NWD2: variants seen among roughly 807,000 people sequenced by gnomAD.
NWD2 encodes NACHT and WD repeat domain-containing protein 2.
Under a neutral mutation model 132.7 loss-of-function variants are expected in NWD2, and 37 were observed. The observed-to-expected ratio is 0.28, with a 90% CI of 0.21 to 0.37. NWD2 has a LOEUF of 0.37. Ranked by LOEUF, NWD2 falls within the 10% of genes least tolerant of loss-of-function variation. NWD2 has a pLI of 1.00. For missense variants in NWD2, 1,592 were observed against 2,122.4 expected (o/e 0.75, Z 4.91); for synonymous variants, 705 against 803.0 (o/e 0.88, Z 2.06).
rs751234991 is a variant in NWD2, at chr4:37,430,747, C to T, written c.533C>T (p.Ser178Leu). Residue 178 changes from serine to leucine, a missense_variant, in exon 4 of 7, where the codon TCA becomes TTA. Around this residue, in one of 7 missense-constraint regions of NWD2, gnomAD observed 144 missense variants for 185.7 expected, o/e 0.78. Transcript: ENST00000309447. ...GCAGCCTATTACCTCAGACCCAAGT[C>T]AGAAATGCTGAGAAGCAATAGAAAT... is the stretch of plus-strand genomic sequence containing the variant. The part of the protein sequence containing the change: ...VPAAYYLRPK[S>L]EMLRSNRNAM... The T allele has an allele frequency of 3.6e-5, 56 of 1,551,512 alleles. No individual in the cohort carries two copies. Among genetic ancestry groups the T allele is most frequent in the Middle Eastern group, 1.7e-4 (1 of 6,012 alleles).
intron 2 of NWD2, among the ~76,000 whole-genome samples, chr4:37,326,353 G>T (rs1340870504): frequency 6.6e-6 from 1 of 152,098 alleles, no homozygotes; most frequent in African/African-American, 2.4e-5. Context: ...ATGGTTTCTA[G>T]AAATATTTTG....
At position 37,447,317 on chromosome 4, in the gene NWD2, C is replaced by T. The variant is rs1048193979; in HGVS notation, c.*100C>T. ...CTATTCATTTATTAAAAGGCAGGAG[C>T]GATGCTGGAATTCCAGTGTTTTATT... is the stretch of plus-strand genomic sequence containing the variant. On this transcript the variant is annotated 3_prime_UTR_variant, in exon 7 of 7. Transcript: ENST00000309447. 6.7e-6 allele frequency: 6 copies of T among 890,924 alleles called. No individual in the cohort carries two copies. The highest frequency in any genetic ancestry group is 2.7e-5 in the East Asian group (1 of 37,648). 55.2% of individuals were successfully genotyped at this position (890,924 alleles called of 1,614,324 possible).
intron 3 of NWD2, among the ~76,000 whole-genome samples, chr4:37,389,820 A>T (rs1273756414): frequency 2.6e-5 from 4 of 151,718 alleles, no homozygotes; most frequent in Non-Finnish European, 1.5e-5. Flanking sequence ...TTGCCCTGTC[A>T]CCCAGGCTGG....
intron 3 of NWD2, among the ~76,000 whole-genome samples, chr4:37,368,051 C>T (rs940757287): frequency 3.2e-4 from 49 of 152,042 alleles, no homozygotes; most frequent in African/African-American, 1.2e-3. Context: ...GTGGCATTTT[C>T]TCATATACAG....
At chr4:37,348,661 TATATATATATATATAC>T (rs1227943818) in intron 2 of NWD2, among the ~76,000 whole-genome samples, 7 of 74,204 alleles carry the variant, frequency 9.4e-5, no homozygotes, top group African/African-American at 3.2e-4. Flanking sequence ...TATATATATA[TATATATATATATATAC>T]ACACACACAC....
At position 37,274,923 on chromosome 4, in the gene NWD2, C is replaced by A. The variant is rs532270080; in HGVS notation, c.151+29705C>A. ...CTCAATAAATTAGGTAATGATGGGA[C>A]ATATCTCAAAATAATAAGAGCTATC... On this transcript the variant is annotated intron_variant, in intron 1 of 6. Transcript: ENST00000309447. Among the ~76,000 whole-genome samples, 14 of 152,114 alleles carry A rather than the reference C, an allele frequency of 9.2e-5. No individual in the cohort carries two copies. In the East Asian group the frequency reaches 2.3e-3, roughly 25 times the overall value.
chr4:37,333,371 C>T (rs1180065569), intron 2 of NWD2, among the ~76,000 whole-genome samples: 1 of 152,088 alleles, frequency 6.6e-6, no homozygotes, highest in African/African-American at 2.4e-5. Context: ...TCCCCCAGCT[C>T]CAGGAAGCTC....
At chr4:37,424,394 C>A (rs937234642) in intron 3 of NWD2, among the ~76,000 whole-genome samples, 1 of 152,140 alleles carries the variant, frequency 6.6e-6, no homozygotes, top group African/African-American at 2.4e-5. Flanking sequence ...GAAACATGGC[C>A]TTGGGCAAGC....
chr4:37,276,342 T>C (rs965480386), intron 1 of NWD2, among the ~76,000 whole-genome samples: 18 of 152,038 alleles, frequency 1.2e-4, no homozygotes, highest in African/African-American at 4.1e-4. Flanking sequence ...CGTGAAAAAA[T>C]GCTCATCATC....
At chr4:37,383,448 T>C (rs902153708) in intron 3 of NWD2, among the ~76,000 whole-genome samples, 1 of 152,196 alleles carries the variant, frequency 6.6e-6, no homozygotes, top group Non-Finnish European at 1.5e-5. Flanking sequence ...TGGGTAATAT[T>C]CTCCCATCAG....
At chr4:37,277,898 CTTG>C (rs1250486727) in intron 1 of NWD2, among the ~76,000 whole-genome samples, 1 of 152,026 alleles carries the variant, frequency 6.6e-6, no homozygotes, top group Admixed American at 6.6e-5. Context: ...TGTGTAGTAA[CTTG>C]CCTAAGCTAC....
Position 37,447,240 on chromosome 4 carries a change from G to A in NWD2, c.*23G>A, listed in dbSNP as rs1417720631. The A allele has an allele frequency of 6.6e-7, 1 of 1,515,606 alleles. No individual in the cohort carries two copies. The highest frequency in any genetic ancestry group is 8.9e-7 in the Non-Finnish European group (1 of 1,121,948). The allele number at this position is 1,515,606 out of a possible 1,614,324, so 93.9% of individuals were successfully genotyped here. ...TGACAAAATGTTTTCCAGCTAAGCAGAAATATGTGATCCACGTACAGAAGG... is the reference window on the plus strand; with the variant it reads ...TGACAAAATGTTTTCCAGCTAAGCAAAAATATGTGATCCACGTACAGAAGG... On this transcript the variant is annotated 3_prime_UTR_variant, in exon 7 of 7. Coordinates refer to ENST00000309447, the MANE Select transcript of NWD2 (RefSeq NM_001144990.2).
At chr4:37,417,515 G>T (rs1711656587) in intron 3 of NWD2, among the ~76,000 whole-genome samples, 1 of 152,036 alleles carries the variant, frequency 6.6e-6, no homozygotes, top group Admixed American at 6.6e-5. Flanking sequence ...AGGAGGAGGG[G>T]AATCAGCCTG....
At chr4:37,381,276 G>A (rs1720447255) in intron 3 of NWD2, among the ~76,000 whole-genome samples, 1 of 152,190 alleles carries the variant, frequency 6.6e-6, no homozygotes, top group Non-Finnish European at 1.5e-5. Flanking sequence ...CACCATCAGT[G>A]ACTCCTGCTC....
chr4:37,433,684 C>T (rs1184990944), intron 4 of NWD2, among the ~76,000 whole-genome samples, 192 bp from the exon 5 acceptor site: 1 of 152,164 alleles, frequency 6.6e-6, no homozygotes, highest in African/African-American at 2.4e-5. Flanking sequence ...GTAACTTGGT[C>T]AAGTTCACAT....
chr4:37,296,043 T>A (rs1718482648), intron 1 of NWD2, among the ~76,000 whole-genome samples: 1 of 152,196 alleles, frequency 6.6e-6, no homozygotes, highest in South Asian at 2.1e-4. Context: ...CCCAACTGAG[T>A]GGAACAAGGC....
intron 1 of NWD2, among the ~76,000 whole-genome samples, chr4:37,288,321 C>T (rs116566665): frequency 1.4e-4 from 22 of 152,196 alleles, no homozygotes; most frequent in South Asian, 2.1e-4. Context: ...TTTTCTAGTG[C>T]GAAATATTTT....
rs199987592 is a variant in NWD2 at position 37,388,618 on chromosome 4, ATATT to A, written c.357+32140_357+32143del. Among the ~76,000 whole-genome samples, 1,341 of 148,196 alleles carry A rather than the reference ATATT, an allele frequency of 9.0e-3. 24 individuals are homozygous for A. The highest frequency in any genetic ancestry group is 0.031 in the African/African-American group (1,268 of 40,762). On this transcript the variant is annotated intron_variant, in intron 3 of 6. Transcript: ENST00000309447. ...TATATATTTCTATTGTGGAAAATAT[ATATT>A]TATGTTATATATCATATATAAATAT...
chr4:37,306,429 T>C (rs1718710148), intron 1 of NWD2, among the ~76,000 whole-genome samples: 1 of 152,204 alleles, frequency 6.6e-6, no homozygotes, highest in African/African-American at 2.4e-5. Flanking sequence ...TTGAAATATT[T>C]CTACTTTTTT....
Sources: gnomAD v4.1 joint callset for allele counts (sites outside exome capture counted in the v4.1 genomes callset) on GRCh38, gnomAD v4.1.1 for gene constraint, gnomAD v4.1.1 regional missense constraint, MANE v1.5 for transcripts, NCBI Gene and HGNC (gene_info 2026-07-23, HGNC 2026-07-21) for gene names.